Variants in CDYL2 observed in about 807,000 individuals in gnomAD.
The protein encoded by CDYL2 is chromodomain Y-like protein 2.
A neutral mutation model predicts 49.4 loss-of-function variants in CDYL2; 23 were observed. The observed-to-expected ratio is 0.47, with a 90% CI of 0.34 to 0.66. The LOEUF (loss-of-function observed/expected upper bound fraction) is 0.66. Among genes scored for constraint, CDYL2 ranks in the 30% least tolerant of loss-of-function variants. The pLI, the probability that CDYL2 is intolerant of heterozygous loss-of-function variation, is 0.01. For missense variants in CDYL2, 678 were observed against 656.4 expected, an observed-to-expected ratio of 1.03 and a Z score of -0.36; for synonymous variants, 360 against 268.8, an observed-to-expected ratio of 1.34 and a Z score of -3.32.
chr16:80,660,310 G>A (rs190270697), intron 2 of CDYL2, among the ~76,000 whole-genome samples: 9 of 152,126 alleles, frequency 5.9e-5, no homozygotes, highest in Non-Finnish European at 8.8e-5. Context: ...AATGTTGGGT[G>A]TATAAAATAA....
At chr16:80,723,952 AGGG>A (rs1274212415) in intron 1 of CDYL2, among the ~76,000 whole-genome samples, 1 of 148,268 alleles carries the variant, frequency 6.7e-6, no homozygotes, top group Non-Finnish European at 1.5e-5. Context: ...GAGGAGAAAA[AGGG>A]GGGAGAAAGA....
intron 1 of CDYL2, among the ~76,000 whole-genome samples, chr16:80,783,278 T>G (rs958040967): frequency 9.9e-5 from 15 of 152,122 alleles, no homozygotes; most frequent in African/African-American, 3.4e-4. Flanking sequence ...TTCAACAACA[T>G]TAGTCACTTA....
chr16:80,631,313 T>C (rs1344105197), intron 3 of CDYL2, among the ~76,000 whole-genome samples: 1 of 152,328 alleles, frequency 6.6e-6, no homozygotes, highest in African/African-American at 2.4e-5. Context: ...ATCACTGTTA[T>C]CGCCATTTAC....
Position 80,602,738 on chromosome 16 carries a change from G to GA in CDYL2, c.*1649dup, listed in dbSNP as rs1407143533. 5 of 152,410 alleles carry GA rather than the reference G, an allele frequency of 3.3e-5. No homozygotes were observed. The South Asian group carries it at 6.2e-4, about 19-fold the overall frequency. The allele number at this position is 152,410 out of a possible 1,614,324, so 9.4% of individuals were successfully genotyped here. ...GCTGGTGCCCAACAGGAAAGGGGAA[G>GA]AAGGGGAGGGCCAAGGGCCTCCAGG... On this transcript the variant is annotated 3_prime_UTR_variant, in exon 7 of 7. Coordinates refer to ENST00000570137, the MANE Select transcript of CDYL2 (RefSeq NM_152342.4).
At chr16:80,666,713 G>T (rs761496183) in intron 2 of CDYL2, among the ~76,000 whole-genome samples, 5 of 152,194 alleles carry the variant, frequency 3.3e-5, no homozygotes, top group Non-Finnish European at 5.9e-5. Flanking sequence ...ACAACTCAAG[G>T]AGAGAAGGAA....
intron 1 of CDYL2, among the ~76,000 whole-genome samples, chr16:80,722,150 T>A (rs968478967): frequency 4.6e-5 from 7 of 152,068 alleles, no homozygotes; most frequent in Non-Finnish European, 1.0e-4. Flanking sequence ...TTCTTAATAT[T>A]GGCTGCAAAA....
At chr16:80,683,294 C>T (rs530437188) in intron 2 of CDYL2, among the ~76,000 whole-genome samples, 1 of 152,200 alleles carries the variant, frequency 6.6e-6, no homozygotes, top group Non-Finnish European at 1.5e-5. Context: ...GCCAAAGAGA[C>T]AAATGCCACC....
chr16:80,761,120 G>A (rs547336662), intron 1 of CDYL2, among the ~76,000 whole-genome samples: 17 of 152,248 alleles, frequency 1.1e-4, no homozygotes, highest in South Asian at 2.1e-4. Flanking sequence ...TGGCTGGGGG[G>A]AGACTTCTCA....
At chr16:80,686,369 C>T (rs1214382230) in intron 1 of CDYL2, among the ~76,000 whole-genome samples, 1 of 152,162 alleles carries the variant, frequency 6.6e-6, no homozygotes, top group African/African-American at 2.4e-5. Flanking sequence ...ATGTTGTACC[C>T]TCCAAATGCT....
At chr16:80,779,162 A>G (rs1392133988) in intron 1 of CDYL2, among the ~76,000 whole-genome samples, 1 of 152,082 alleles carries the variant, frequency 6.6e-6, no homozygotes, top group Non-Finnish European at 1.5e-5. Flanking sequence ...AAAAATATAC[A>G]TTAATCTGCC....
chr16:80,740,084 G>T (rs184408800), intron 1 of CDYL2, among the ~76,000 whole-genome samples: 146 of 152,268 alleles, frequency 9.6e-4, no homozygotes, highest in African/African-American at 3.1e-3. Context: ...CTACTTACAG[G>T]TCTCTAACTC....
intron 2 of CDYL2, among the ~76,000 whole-genome samples, chr16:80,680,758 C>T (rs1245407973): frequency 6.6e-6 from 1 of 152,164 alleles, no homozygotes; most frequent in East Asian, 1.9e-4. Context: ...GATCTATGAA[C>T]CATCTCTTAC....
intron 1 of CDYL2, among the ~76,000 whole-genome samples, chr16:80,731,055 A>G (rs1391919936): frequency 6.6e-6 from 1 of 152,232 alleles, no homozygotes; most frequent in Non-Finnish European, 1.5e-5. Flanking sequence ...CCCAGGTAAA[A>G]TATGTCAAAG....
chr16:80,608,553 G>A (rs891485391), intron 5 of CDYL2, among the ~76,000 whole-genome samples: 10 of 152,134 alleles, frequency 6.6e-5, no homozygotes, highest in African/African-American at 2.2e-4. Context: ...TTTCAGAGCC[G>A]ATGACCCAGC....
At chr16:80,724,354 G>A (rs28403169) in intron 1 of CDYL2, among the ~76,000 whole-genome samples, 3 of 152,102 alleles carry the variant, frequency 2.0e-5, no homozygotes, top group African/African-American at 7.2e-5. Context: ...AAATGGAGTA[G>A]AAGGACCTAG....
intron 2 of CDYL2, among the ~76,000 whole-genome samples, chr16:80,662,908 A>G (rs1371072651): frequency 6.6e-6 from 1 of 152,080 alleles, no homozygotes; most frequent in Non-Finnish European, 1.5e-5. Context: ...AGTTATTCAT[A>G]TACCTTCAGA....
At position 80,762,489 on chromosome 16, in the gene CDYL2, C is replaced by T. The variant is rs138891185; in HGVS notation, c.24+41661G>A. ...CTAAAACCCAGAAGGAACTCACAATCGCCAAAGCGTCAGATGGCATCAAGT... is the reference window on the plus strand; with the variant it reads ...CTAAAACCCAGAAGGAACTCACAATTGCCAAAGCGTCAGATGGCATCAAGT... On this transcript the variant is annotated intron_variant, in intron 1 of 6. Transcript: ENST00000570137. Among the ~76,000 whole-genome samples, 51 of 152,304 alleles carry T rather than the reference C, an allele frequency of 3.3e-4. No individual in the cohort carries two copies. The East Asian group carries it at 7.9e-3, about 24-fold the overall frequency.
intron 1 of CDYL2, among the ~76,000 whole-genome samples, chr16:80,745,649 C>G (rs1423537057): frequency 6.6e-6 from 1 of 152,144 alleles, no homozygotes; most frequent in Non-Finnish European, 1.5e-5. Flanking sequence ...TTACTACTAC[C>G]ACAAAGAGAT....
chr16:80,676,205 A>G (rs1454408119), intron 2 of CDYL2, among the ~76,000 whole-genome samples: 2 of 152,246 alleles, frequency 1.3e-5, no homozygotes, highest in Non-Finnish European at 2.9e-5. Context: ...TTAGTTCATT[A>G]GCACACCTTC....
Sources: allele counts gnomAD v4.1 joint callset (sites outside exome capture counted in the v4.1 genomes callset), GRCh38; gene constraint gnomAD v4.1.1; transcripts MANE v1.5; gene names NCBI Gene and HGNC (gene_info 2026-07-23, HGNC 2026-07-21).